The following EHD3 variants were observed in gnomAD, a reference collection of about 807,000 sequenced individuals.
The protein encoded by EHD3 is EH domain-containing protein 3.
A neutral mutation model predicts 43.0 loss-of-function variants in EHD3; 17 were observed. That is an observed-to-expected ratio of 0.40 (90% CI 0.27 to 0.59). The LOEUF is 0.59. EHD3 is among the 20% of genes least tolerant of loss of function. The probability of loss-of-function intolerance (pLI) is 0.49; values close to 1 mark genes in which losing one functional copy is unlikely to be tolerated. For missense variants in EHD3, 594 were observed against 705.6 expected (o/e 0.84, Z 1.79); for synonymous variants, 313 against 289.5 (o/e 1.08, Z -0.82).
intron 3 of EHD3, among the ~76,000 whole-genome samples, chr2:31,252,259 TCAC>T (rs1163668868): frequency 6.6e-6 from 1 of 152,152 alleles, no homozygotes; most frequent in African/African-American, 2.4e-5. Flanking sequence ...TGGGTCTGGA[TCAC>T]CATGAGCTAC....
chr2:31,261,625 T>C lies in EHD3; in HGVS notation c.992T>C (p.Leu331Pro), dbSNP rs1209641280. The C allele has an allele frequency of 6.2e-7, 1 of 1,614,114 alleles. No individual in the cohort carries two copies. Among genetic ancestry groups the C allele is most frequent in the East Asian group, 2.2e-5 (1 of 44,872 alleles). Residue 331 changes from leucine to proline, a missense_variant, in exon 5 of 6, where the codon CTG (leucine) becomes CCG (proline). Leu to Pro is a moderately conservative substitution (Grantham distance 98, BLOSUM62 -3). Coordinates refer to ENST00000322054, the MANE Select transcript of EHD3 (RefSeq NM_014600.3). ...VFGKDNKKKE[L>P]VNNLAEIYGR... is the part of the protein sequence containing the mutation. The stretch of plus-strand genomic sequence containing the variant: ...GGGAAGGACAACAAGAAGAAGGAGC[T>C]GGTCAACAACCTGGCCGAGATCTAT...
intron 2 of EHD3, among the ~76,000 whole-genome samples, chr2:31,245,622 C>T (rs1410716626): frequency 2.9e-5 from 4 of 140,206 alleles, no homozygotes; most frequent in Admixed American, 7.5e-5. Flanking sequence ...AGTGCAATGG[C>T]GCGATCTCAG....
At chr2:31,242,828 C>T (rs943176055) in intron 1 of EHD3, among the ~76,000 whole-genome samples, 3 of 152,028 alleles carry the variant, frequency 2.0e-5, no homozygotes, top group Admixed American at 6.6e-5. Context: ...GGCGTGGTGG[C>T]GGCTGCCTGT....
intron 1 of EHD3, among the ~76,000 whole-genome samples, chr2:31,242,409 A>G (rs1300400604): frequency 2.6e-5 from 4 of 152,228 alleles, no homozygotes; most frequent in Non-Finnish European, 4.4e-5. Context: ...AGTGCAGGTA[A>G]AACACCAAAC....
intron 3 of EHD3, among the ~76,000 whole-genome samples, chr2:31,257,987 A>T (rs1683783622): frequency 6.6e-6 from 1 of 152,254 alleles, no homozygotes; most frequent in South Asian, 2.1e-4. Flanking sequence ...CTATCTGTAA[A>T]TCAGGAAGTT....
chr2:31,263,208 G>A (rs534043333), intron 5 of EHD3, among the ~76,000 whole-genome samples: 1 of 152,176 alleles, frequency 6.6e-6, no homozygotes, highest in African/African-American at 2.4e-5. Flanking sequence ...TTTGTTTTGC[G>A]GGTTTCCCGG....
intron 5 of EHD3, among the ~76,000 whole-genome samples, chr2:31,265,225 T>C (rs1558653371): frequency 1.3e-5 from 2 of 152,188 alleles, no homozygotes; most frequent in Non-Finnish European, 2.9e-5. Flanking sequence ...AAAATAACAA[T>C]AAAAAGTACA....
Position 31,267,554 on chromosome 2 carries a change from G to A in EHD3, c.*850G>A, listed in dbSNP as rs1190658165. On this transcript the variant is annotated 3_prime_UTR_variant, in exon 6 of 6. Coordinates refer to ENST00000322054, the MANE Select transcript of EHD3 (RefSeq NM_014600.3). ...GCACTTTATATACATTATTCTATGT[G>A]GCCCTCACTGATGCCCCAGGGAAGT... 6.6e-6 allele frequency: 1 copy of A among 152,518 alleles called. No individual in the cohort carries two copies. Among genetic ancestry groups the A allele is most frequent in the Non-Finnish European group, 1.5e-5 (1 of 68,010 alleles). 9.4% of individuals were successfully genotyped at this position (152,518 alleles called of 1,614,324 possible). A position where few individuals can be genotyped will look rare whatever the true frequency, so the allele number is the denominator to read the frequency against.
At chr2:31,247,297 T>TTTTTG (rs1017602672) in intron 2 of EHD3, among the ~76,000 whole-genome samples, 1 of 152,174 alleles carries the variant, frequency 6.6e-6, no homozygotes, top group Non-Finnish European at 1.5e-5. Context: ...ATGTTTTGGT[T>TTTTTG]TTTTGTTTTG....
chr2:31,254,802 A>G (rs1401158540), intron 3 of EHD3, among the ~76,000 whole-genome samples: 1 of 152,152 alleles, frequency 6.6e-6, no homozygotes, highest in African/African-American at 2.4e-5. Flanking sequence ...TGGCTGTGTG[A>G]GCTTGGGCAA....
At chr2:31,249,563 C>CA in intron 3 of EHD3, 95 bp downstream of exon 3, 4 of 1,123,058 alleles carry the variant, frequency 3.6e-6, no homozygotes, top group South Asian at 1.4e-5. Context: ...CAGGGCCATG[C>CA]TGTCCCTTGG....
chr2:31,253,197 A>G (rs1000542326), intron 3 of EHD3, among the ~76,000 whole-genome samples: 3 of 131,070 alleles, frequency 2.3e-5, no homozygotes, highest in Admixed American at 8.2e-5. Context: ...CACTCCTCAC[A>G]CATATCCTGC....
intron 1 of EHD3, among the ~76,000 whole-genome samples, chr2:31,236,839 GCAGA>G (rs1401663912): frequency 1.3e-5 from 2 of 152,178 alleles, no homozygotes; most frequent in African/African-American, 4.8e-5. Flanking sequence ...TCCCCAAGCA[GCAGA>G]CAGGTTTGAG....
intron 5 of EHD3, among the ~76,000 whole-genome samples, chr2:31,263,780 C>T (rs1683895259): frequency 6.6e-6 from 1 of 152,226 alleles, no homozygotes; most frequent in Admixed American, 6.5e-5. Context: ...ACCCTGTGTA[C>T]TGGCCTCTTC....
At chr2:31,244,538 G>C in intron 2 of EHD3, 88 bp downstream of exon 2, 1 of 1,410,120 alleles carries the variant, frequency 7.1e-7, no homozygotes, top group South Asian at 1.4e-5. Flanking sequence ...AGGGTCTTGG[G>C]ATGCTTGGTG....
At chr2:31,235,706 C>T (rs1478200864) in intron 1 of EHD3, among the ~76,000 whole-genome samples, 1 of 152,198 alleles carries the variant, frequency 6.6e-6, no homozygotes, top group African/African-American at 2.4e-5. Flanking sequence ...GTCATCCATT[C>T]CCTTCAATTA....
chr2:31,251,431 AG>A (rs1263791968), intron 3 of EHD3, among the ~76,000 whole-genome samples: 1 of 152,142 alleles, frequency 6.6e-6, no homozygotes, highest in Non-Finnish European at 1.5e-5. Context: ...AGCAGGTGGG[AG>A]GGAGTGGGGA....
chr2:31,243,663 C>G (rs1355569920), intron 1 of EHD3, among the ~76,000 whole-genome samples: 2 of 151,856 alleles, frequency 1.3e-5, no homozygotes, highest in African/African-American at 4.8e-5. Context: ...ACCATGTTGG[C>G]CAGGCTGGTC....
Position 31,268,737 on chromosome 2 carries a change from G to A in EHD3, c.*2033G>A, listed in dbSNP as rs969976502. On this transcript the variant is annotated 3_prime_UTR_variant, in exon 6 of 6. Coordinates refer to ENST00000322054, the MANE Select transcript of EHD3 (RefSeq NM_014600.3). ...GCTCTGGAGAAAACCCTTGAGTGCC[G>A]AGTGCAGGTTAGGGACCATTTCTCA... The A allele has an allele frequency of 6.6e-6, 1 of 152,230 alleles. No individual in the cohort carries two copies. Among genetic ancestry groups the A allele is most frequent in the Non-Finnish European group, 1.5e-5 (1 of 68,046 alleles). The allele number at this position is 152,230 out of a possible 1,614,324, so 9.4% of individuals were successfully genotyped here.
Sources: allele counts gnomAD v4.1 joint callset (sites outside exome capture counted in the v4.1 genomes callset), GRCh38; gene constraint gnomAD v4.1.1; transcripts MANE v1.5; gene names NCBI Gene and HGNC (gene_info 2026-07-23, HGNC 2026-07-21).